The following ATP11A variants were observed in gnomAD, a reference collection of about 807,000 sequenced individuals.
ATP11A encodes the protein phospholipid-transporting ATPase IH.
In ATP11A, 81 loss-of-function variants were observed where a neutral mutation model predicts 154.4. That is an observed-to-expected ratio of 0.52 (90% CI 0.44 to 0.63). The LOEUF is 0.63. Among genes scored for constraint, ATP11A ranks in the 30% least tolerant of loss-of-function variants. ATP11A has a pLI of 0.00. For synonymous variants in ATP11A, 623 were observed against 585.9 expected (o/e 1.06, Z -0.91); for missense variants, 1,316 against 1,474.3 (o/e 0.89, Z 1.76).
At chr13:112,736,989 CTGTT>C (rs780763284) in intron 1 of ATP11A, among the ~76,000 whole-genome samples, 12 of 152,112 alleles carry the variant, frequency 7.9e-5, no homozygotes, top group African/African-American at 2.7e-4. Context: ...TTTCAGAAAA[CTGTT>C]TGGCAGTTTC....
At chr13:112,820,176 G>T (rs1456235840) in intron 8 of ATP11A, among the ~76,000 whole-genome samples, 1 of 152,226 alleles carries the variant, frequency 6.6e-6, no homozygotes, top group Non-Finnish European at 1.5e-5. Context: ...TTTCGCGCAA[G>T]ACTCTGCCGA....
At chr13:112,772,921 A>G (rs1566459752) in intron 1 of ATP11A, among the ~76,000 whole-genome samples, 1 of 152,102 alleles carries the variant, frequency 6.6e-6, no homozygotes, top group African/African-American at 2.4e-5. Flanking sequence ...TCCAGGTACA[A>G]TCTCTAATTG....
intron 2 of ATP11A, among the ~76,000 whole-genome samples, chr13:112,793,153 G>A (rs2077904687): frequency 6.6e-6 from 1 of 152,186 alleles, no homozygotes; most frequent in African/African-American, 2.4e-5. Context: ...AGAGGATAGA[G>A]CCCCTGTAGT....
chr13:112,871,754 T>A lies in ATP11A; in HGVS notation c.3011T>A (p.Phe1004Tyr). 6.2e-7 allele frequency: 1 copy of A among 1,614,172 alleles called. No individual in the cohort carries two copies. Reference protein sequence around the residue: ...SNGQIFGNWTFGTLVFTVMVF... With the variant: ...SNGQIFGNWTYGTLVFTVMVF... ...AAACAGATATTTGGAAACTGGACGT[T>A]TGGAACGCTGGTATTCACCGTGATG... The change falls in exon 26 of 30, where the codon TTT (phenylalanine) becomes TAT (tyrosine). Residue 1004 changes from phenylalanine to tyrosine, a missense_variant. By Grantham distance (22) the Phe-to-Tyr change is conservative (BLOSUM62 3). Transcript: ENST00000375645.
Position 112,858,065 on chromosome 13 carries a change from C to T in ATP11A, c.2522-80C>T, listed in dbSNP as rs565405571. 6.3e-6 allele frequency: 10 copies of T among 1,582,566 alleles called. No homozygotes were observed. In the African/African-American group the frequency reaches 6.7e-5, roughly 11 times the overall value. On this transcript the variant is annotated intron_variant, in intron 21 of 29. Coordinates refer to ENST00000375645, the MANE Select transcript of ATP11A (RefSeq NM_015205.3). Reference sequence around the variant, plus strand: ...CCGGGAAGGCTCATGATGATGGTTTCATCCGTTCTTCTCCCCGTCCCTGCC... The same window carrying T: ...CCGGGAAGGCTCATGATGATGGTTTTATCCGTTCTTCTCCCCGTCCCTGCC...
At chr13:112,869,604 G>A (rs900118344) in intron 25 of ATP11A, among the ~76,000 whole-genome samples, 2 of 152,226 alleles carry the variant, frequency 1.3e-5, no homozygotes, top group Non-Finnish European at 2.9e-5. Flanking sequence ...GCCAAGGTGA[G>A]GCCTGGGGGA....
At position 112,696,739 on chromosome 13, in the gene ATP11A, C is replaced by T. The variant is rs780555455; in HGVS notation, c.39+6284C>T. Reference sequence around the variant, plus strand: ...AGGCCCACCTCCCTCGGGCCCCTCTCTGCCCTTGCCCTCCACCTCAGCGAC... The same window carrying T: ...AGGCCCACCTCCCTCGGGCCCCTCTTTGCCCTTGCCCTCCACCTCAGCGAC... On this transcript the variant is annotated intron_variant, in intron 1 of 29. Transcript: ENST00000375645. The surrounding 1 kb of genome is among the most constrained non-coding windows in gnomAD (Gnocchi z 6.2). The T allele has an allele frequency of 4.7e-4, 71 of 152,458 alleles. No individual in the cohort carries two copies. The highest frequency in any genetic ancestry group is 5.4e-4 in the Non-Finnish European group (37 of 68,218). 9.4% of individuals were successfully genotyped at this position (152,458 alleles called of 1,614,324 possible).
rs139211476 is a variant in ATP11A at position 112,737,011 on chromosome 13, T to C, written c.39+46556T>C. Among the ~76,000 whole-genome samples, 6 of 152,178 alleles carry C rather than the reference T, an allele frequency of 3.9e-5. No homozygotes were observed. In the East Asian group the frequency reaches 1.2e-3, roughly 29 times the overall value. On this transcript the variant is annotated intron_variant, in intron 1 of 29. Transcript: ENST00000375645. ...AAACTGTTTGGCAGTTTCCAGTAAA[T>C]ATATGCTCCTGGAAACAACCCACAT...
intron 1 of ATP11A, among the ~76,000 whole-genome samples, chr13:112,728,268 G>A (rs1401527345): frequency 6.6e-6 from 1 of 152,180 alleles, no homozygotes. Flanking sequence ...ACCTCCCTGT[G>A]TTACCTGTAT....
At chr13:112,733,541 T>C (rs899587929) in intron 1 of ATP11A, among the ~76,000 whole-genome samples, 1 of 152,256 alleles carries the variant, frequency 6.6e-6, no homozygotes, top group Non-Finnish European at 1.5e-5. Flanking sequence ...TTGAGCCTAG[T>C]TCTATTGTTG....
chr13:112,825,033 T>TTTCC (rs1328890440), intron 10 of ATP11A, among the ~76,000 whole-genome samples: 6 of 152,312 alleles, frequency 3.9e-5, no homozygotes, highest in African/African-American at 1.4e-4. Context: ...CTTCCTCTCC[T>TTTCC]TTCCTTCCTT....
At chr13:112,774,983 T>G (rs978836715) in intron 1 of ATP11A, among the ~76,000 whole-genome samples, 5 of 152,204 alleles carry the variant, frequency 3.3e-5, no homozygotes, top group Non-Finnish European at 7.3e-5. Context: ...GCTTTGTTGT[T>G]CGGTGGGTCC....
chr13:112,722,328 G>C (rs80296940), intron 1 of ATP11A, among the ~76,000 whole-genome samples: 1,752 of 151,532 alleles, frequency 0.012, 44 homozygotes, highest in African/African-American at 0.039. Flanking sequence ...GCGGCCAGGG[G>C]AGAGGGTTTC....
chr13:112,741,087 A>G (rs1891497913), intron 1 of ATP11A, among the ~76,000 whole-genome samples: 1 of 152,212 alleles, frequency 6.6e-6, no homozygotes, highest in Non-Finnish European at 1.5e-5. Flanking sequence ...TTATATTTCT[A>G]ATGTAAAGCC....
Position 112,697,293 on chromosome 13 carries a change from G to C in ATP11A, c.39+6838G>C, listed in dbSNP as rs963314026. On this transcript the variant is annotated intron_variant, in intron 1 of 29. Coordinates refer to ENST00000375645, the MANE Select transcript of ATP11A (RefSeq NM_015205.3). This position sits in a 1 kb window ranked among gnomAD's most constrained non-coding sequence, Gnocchi z 4.0. The stretch of plus-strand genomic sequence containing the variant: ...CTTGTCCCAGGAAGAGGCGTCCACT[G>C]CCTGCTACACGCCACCCAGCCGTGT... 6.6e-6 allele frequency among the ~76,000 whole-genome samples: 1 copy of C among 152,140 alleles called. No homozygotes were observed. Among genetic ancestry groups the C allele is most frequent in the Non-Finnish European group, 1.5e-5 (1 of 68,024 alleles).
intron 8 of ATP11A, among the ~76,000 whole-genome samples, chr13:112,820,594 G>A (rs2078773543): frequency 6.6e-6 from 1 of 152,234 alleles, no homozygotes; most frequent in African/African-American, 2.4e-5. Context: ...CTGAGAGCCA[G>A]CCTGTGCTGA....
intron 1 of ATP11A, among the ~76,000 whole-genome samples, chr13:112,784,684 G>A (rs747323952): frequency 2.6e-5 from 4 of 152,138 alleles, no homozygotes; most frequent in African/African-American, 4.8e-5. Context: ...CACCACACCC[G>A]GCTAATTTTT....
In ATP11A at chr13:112,829,218, A is replaced by G. The variant is rs282622; in HGVS notation, c.1222-2157A>G. On this transcript the variant is annotated intron_variant, in intron 12 of 29. Coordinates refer to ENST00000375645, the MANE Select transcript of ATP11A (RefSeq NM_015205.3). ...GTAGTGAGGGCCATCTTTTGTTCCT[A>G]GAGCTGAGGGTGATGGCAGCATTGA... is the stretch of plus-strand genomic sequence containing the variant. 4.9e-3 allele frequency among the ~76,000 whole-genome samples: 740 copies of G among 152,306 alleles called. 2 individuals carry two copies. Among genetic ancestry groups the G allele is most frequent in the African/African-American group, 0.014 (563 of 41,568 alleles).
At chr13:112,780,538 G>A (rs190405976) in intron 1 of ATP11A, among the ~76,000 whole-genome samples, 202 of 152,304 alleles carry the variant, frequency 1.3e-3, no homozygotes, top group African/African-American at 3.9e-3. Context: ...GTGGACGCGC[G>A]TTTGGAGGCT....
Sources: gnomAD v4.1 joint callset for allele counts (sites outside exome capture counted in the v4.1 genomes callset) on GRCh38, gnomAD v4.1.1 for gene constraint, Gnocchi (gnomAD v3.1) non-coding constraint, MANE v1.5 for transcripts, NCBI Gene and HGNC (gene_info 2026-07-23, HGNC 2026-07-21) for gene names.